The following DCC variants were observed in gnomAD, a reference collection of about 807,000 sequenced individuals.
DCC encodes DCC netrin 1 receptor, also known as netrin receptor DCC.
DCC carries 58 observed loss-of-function variants against 172.5 expected under a neutral mutation model. That is an observed-to-expected ratio of 0.34 (90% CI 0.27 to 0.42). The LOEUF (loss-of-function observed/expected upper bound fraction) is 0.42. DCC is among the 10% of genes least tolerant of loss of function. The probability of loss-of-function intolerance (pLI) is 1.00; values close to 1 mark genes in which losing one functional copy is unlikely to be tolerated. For missense variants in DCC, 1,740 were observed against 1,791.0 expected, an observed-to-expected ratio of 0.97 and a Z score of 0.51; for synonymous variants, 709 against 644.5, an observed-to-expected ratio of 1.10 and a Z score of -1.52.
chr18:52,539,160 A>G (rs1033501408), intron 1 of DCC, among the ~76,000 whole-genome samples: 1 of 152,168 alleles, frequency 6.6e-6, no homozygotes, highest in Non-Finnish European at 1.5e-5. Flanking sequence ...CTTCAATTCA[A>G]GATTTTGTGG....
chr18:52,473,537 T>C (rs8088227), intron 1 of DCC, among the ~76,000 whole-genome samples: 211 of 152,232 alleles, frequency 1.4e-3, no homozygotes, highest in African/African-American at 4.5e-3. Flanking sequence ...AAACTTACAA[T>C]CATAGTGGAA....
intron 2 of DCC, among the ~76,000 whole-genome samples, chr18:52,769,800 A>C (rs1315723713): frequency 6.6e-6 from 1 of 152,184 alleles, no homozygotes; most frequent in Non-Finnish European, 1.5e-5. Context: ...TTTCTTTTGC[A>C]TGATGATGTC....
At chr18:52,856,746 G>A (rs1003158207) in intron 2 of DCC, among the ~76,000 whole-genome samples, 1 of 151,786 alleles carries the variant, frequency 6.6e-6, no homozygotes, top group African/African-American at 2.4e-5. Context: ...GATCTGAAAC[G>A]TCTGTTTTTT....
intron 24 of DCC, among the ~76,000 whole-genome samples, chr18:53,463,136 A>G (rs1362949341): frequency 1.3e-5 from 2 of 152,112 alleles, no homozygotes; most frequent in Non-Finnish European, 2.9e-5. Flanking sequence ...AGGGGAGAGC[A>G]CCTCCACCTC....
At chr18:53,182,617 G>A (rs191357061) in intron 9 of DCC, among the ~76,000 whole-genome samples, 1 of 152,268 alleles carries the variant, frequency 6.6e-6, no homozygotes, top group East Asian at 1.9e-4. Context: ...ATTATCATGA[G>A]TGATAGGCAT....
chr18:52,829,166 A>G (rs2145290404), intron 2 of DCC, among the ~76,000 whole-genome samples: 1 of 152,310 alleles, frequency 6.6e-6, no homozygotes, highest in Non-Finnish European at 1.5e-5. Context: ...AAAACCTCAG[A>G]AGCCCAGAAA....
At chr18:53,007,543 A>G (rs1207550886) in intron 5 of DCC, among the ~76,000 whole-genome samples, 2 of 152,166 alleles carry the variant, frequency 1.3e-5, no homozygotes, top group Non-Finnish European at 2.9e-5. Flanking sequence ...TAAGTAAAAT[A>G]TACTGAGAGT....
At chr18:53,502,906 C>G (rs981607396) in intron 27 of DCC, among the ~76,000 whole-genome samples, 3 of 151,888 alleles carry the variant, frequency 2.0e-5, no homozygotes, top group Non-Finnish European at 4.4e-5. Context: ...AGGTTTGTTA[C>G]ATAGTTAAAC....
At chr18:53,453,073 G>A (rs772467344) in intron 23 of DCC, among the ~76,000 whole-genome samples, 51 of 152,012 alleles carry the variant, frequency 3.4e-4, no homozygotes, top group African/African-American at 4.3e-4. Flanking sequence ...CCGCCACCAC[G>A]CCCAGCTAAT....
intron 15 of DCC, among the ~76,000 whole-genome samples, chr18:53,353,837 G>A (rs1166909857): frequency 6.6e-6 from 1 of 152,080 alleles, no homozygotes; most frequent in African/African-American, 2.4e-5. Flanking sequence ...TGTTACATAT[G>A]TATACATGTG....
intron 15 of DCC, among the ~76,000 whole-genome samples, chr18:53,375,245 ATAGTTC>A (rs925636443): frequency 1.3e-5 from 1 of 78,784 alleles, no homozygotes; most frequent in Admixed American, 1.2e-4. Flanking sequence ...CTTTATCTTT[ATAGTTC>A]TTTCTGTTCA....
chr18:53,035,888 T>C (rs2042086222), intron 5 of DCC, among the ~76,000 whole-genome samples: 1 of 151,824 alleles, frequency 6.6e-6, no homozygotes, highest in Non-Finnish European at 1.5e-5. Context: ...TGCATACTTG[T>C]TGTCATATTA....
At chr18:53,501,777 T>G (rs2046102496) in intron 27 of DCC, among the ~76,000 whole-genome samples, 1 of 152,180 alleles carries the variant, frequency 6.6e-6, no homozygotes, top group African/African-American at 2.4e-5. Context: ...GGACACAAGA[T>G]TTGGAAGTCA....
rs200078574 is a variant in DCC, at chr18:52,761,926, G to A, written c.412+9552G>A. Among the ~76,000 whole-genome samples, 580 of 87,006 alleles carry A rather than the reference G, an allele frequency of 6.7e-3. 1 individual carries two copies. Among genetic ancestry groups the A allele is most frequent in the Middle Eastern group, 0.019 (3 of 154 alleles). The allele number at this position is 87,006 out of a possible 152,430, so 57.1% of individuals were successfully genotyped here. ...TCTGTCTCAAAAAAAAAAAAAAAAA[G>A]AAAAAAAAAAAGAAGAAGGAAAAAA... On this transcript the variant is annotated intron_variant, in intron 2 of 28. Coordinates refer to ENST00000442544, the MANE Select transcript of DCC (RefSeq NM_005215.4).
At chr18:52,568,862 A>C (rs2033227012) in intron 1 of DCC, among the ~76,000 whole-genome samples, 1 of 152,212 alleles carries the variant, frequency 6.6e-6, no homozygotes, top group African/African-American at 2.4e-5. Flanking sequence ...ATAAGTGCTT[A>C]AAATTATTCC....
intron 1 of DCC, among the ~76,000 whole-genome samples, chr18:52,445,154 T>C (rs1016331232): frequency 6.6e-6 from 1 of 152,152 alleles, no homozygotes; most frequent in Non-Finnish European, 1.5e-5. Context: ...CCTGAAAACT[T>C]AGTACAATTC....
intron 22 of DCC, among the ~76,000 whole-genome samples, chr18:53,443,876 G>A (rs142462487): frequency 2.0e-5 from 3 of 152,296 alleles, no homozygotes; most frequent in Non-Finnish European, 4.4e-5. Flanking sequence ...CAGTAACTGC[G>A]ATCGAAATAG....
intron 1 of DCC, among the ~76,000 whole-genome samples, chr18:52,611,232 A>G (rs1162272615): frequency 6.6e-6 from 1 of 151,918 alleles, no homozygotes; most frequent in Non-Finnish European, 1.5e-5. Flanking sequence ...TATACCCCGC[A>G]CCTGGAAGAA....
chr18:53,419,956 C>T (rs954748205), intron 21 of DCC, among the ~76,000 whole-genome samples: 6 of 152,012 alleles, frequency 3.9e-5, no homozygotes, highest in Admixed American at 3.9e-4. Context: ...CAGGTTCAAG[C>T]GATTCTCCTG....
Sources: gnomAD v4.1 joint callset for allele counts (sites outside exome capture counted in the v4.1 genomes callset) on GRCh38, gnomAD v4.1.1 for gene constraint, MANE v1.5 for transcripts, NCBI Gene and HGNC (gene_info 2026-07-23, HGNC 2026-07-21) for gene names.